FCHSD2: variants seen among roughly 807,000 people sequenced by gnomAD.
FCHSD2 encodes the protein FCH and double SH3 domains 2.
Under a neutral mutation model 108.1 loss-of-function variants are expected in FCHSD2, and 38 were observed. That is an observed-to-expected ratio of 0.35 (90% confidence interval 0.27 to 0.46). The LOEUF is 0.46. FCHSD2 is among the 20% of genes least tolerant of loss of function. The pLI is 1.00. For missense variants in FCHSD2, 751 were observed against 897.8 expected (o/e 0.84, Z 2.09); for synonymous variants, 279 against 314.7 (o/e 0.89, Z 1.20).
chr11:73,057,154 C>T (rs1222856433), intron 3 of FCHSD2, among the ~76,000 whole-genome samples: 2 of 152,100 alleles, frequency 1.3e-5, no homozygotes, highest in African/African-American at 2.4e-5. Flanking sequence ...TCGTGAAGTA[C>T]ATAAGGAAAC....
intron 3 of FCHSD2, among the ~76,000 whole-genome samples, chr11:73,039,241 G>C (rs1858572302): frequency 1.7e-5 from 1 of 57,526 alleles, no homozygotes; most frequent in African/African-American, 5.8e-5. Context: ...ACTTTCTGCA[G>C]GGTGCAGTGC....
intron 2 of FCHSD2, among the ~76,000 whole-genome samples, chr11:73,137,849 C>CT (rs1861159865): frequency 6.6e-6 from 1 of 152,182 alleles, no homozygotes; most frequent in Non-Finnish European, 1.5e-5. Context: ...ACGGTAGTAA[C>CT]TAAGCCAGGA....
At chr11:72,940,388 T>A (rs1297437337) in intron 8 of FCHSD2, 2 of 480,764 alleles carry the variant, frequency 4.2e-6, no homozygotes, top group African/African-American at 3.9e-5. Context: ...AAATATTGTT[T>A]TAATATTAAA....
intron 13 of FCHSD2, among the ~76,000 whole-genome samples, chr11:72,850,866 G>T (rs1384114941): frequency 6.6e-6 from 1 of 151,688 alleles, no homozygotes; most frequent in African/African-American, 2.4e-5. Context: ...AAGGTAGGTG[G>T]ATCACTTGAG....
At chr11:73,049,436 C>T (rs1310781722) in intron 3 of FCHSD2, among the ~76,000 whole-genome samples, 1 of 148,852 alleles carries the variant, frequency 6.7e-6, no homozygotes, top group African/African-American at 2.5e-5. Flanking sequence ...AAATAAACTA[C>T]AAATTTTTAT....
In FCHSD2 at chr11:72,867,926, T is replaced by C; in HGVS notation, c.1247A>G (p.Glu416Gly). ...LKSAMNQVME[E>G]LENERWARPP... ...GCGGGCCCATCGCTCATTTTCCAGT[T>C]CTTCCATTACTTGGTTCATGGCACT... is the stretch of plus-strand genomic sequence containing the variant. Residue 416 changes from glutamate (E) to glycine (G), a missense_variant, in exon 13 of 20, where the codon GAA becomes GGA. Coordinates refer to ENST00000409418, the MANE Select transcript of FCHSD2 (RefSeq NM_014824.3). 1 of 1,610,456 alleles carries C rather than the reference T, an allele frequency of 6.2e-7. No individual in the cohort carries two copies. Among genetic ancestry groups the C allele is most frequent in the Non-Finnish European group, 8.5e-7 (1 of 1,178,572 alleles).
chr11:72,927,313 T>C lies in FCHSD2; in HGVS notation c.706-5363A>G, dbSNP rs575198579. Among the ~76,000 whole-genome samples the C allele has an allele frequency of 1.1e-4, 17 of 152,364 alleles. No individual in the cohort carries two copies. The East Asian group carries it at 2.1e-3, about 19-fold the overall frequency. ...TTCTGTATGATACTACAATGGTGGA[T>C]ACATATCATTATACATTTGTCTAAA... is the stretch of plus-strand genomic sequence containing the variant. On this transcript the variant is annotated intron_variant, in intron 8 of 19. Transcript: ENST00000409418.
At chr11:72,919,335 C>G (rs772706352) in intron 9 of FCHSD2, among the ~76,000 whole-genome samples, 3 of 152,076 alleles carry the variant, frequency 2.0e-5, no homozygotes, top group African/African-American at 7.2e-5. Flanking sequence ...TCATTTATTC[C>G]TCATTTCTGG....
Position 73,142,178 on chromosome 11 carries a change from A to G in FCHSD2, c.-301T>C. 1 of 214,656 alleles carries G rather than the reference A, an allele frequency of 4.7e-6. No individual in the cohort carries two copies. The highest frequency in any genetic ancestry group is 9.2e-6 in the Non-Finnish European group (1 of 108,680). The allele number at this position is 214,656 out of a possible 1,614,324, so 13.3% of individuals were successfully genotyped here. On this transcript the variant is annotated 5_prime_UTR_variant, in exon 1 of 20. Coordinates refer to ENST00000409418, the MANE Select transcript of FCHSD2 (RefSeq NM_014824.3). ...GCGAGGGGGCGGGGGCCCCAGGAGC[A>G]GGGGCGCGAGGGTCTCAGCCGGCCG... is the stretch of plus-strand genomic sequence containing the variant.
intron 3 of FCHSD2, among the ~76,000 whole-genome samples, chr11:73,078,744 G>A (rs1026963776): frequency 1.3e-5 from 2 of 152,058 alleles, no homozygotes. Context: ...TTAGAGACAA[G>A]GTCTCACTCT....
intron 8 of FCHSD2, among the ~76,000 whole-genome samples, chr11:72,982,237 T>C (rs1168349691): frequency 6.6e-6 from 1 of 152,218 alleles, no homozygotes; most frequent in African/African-American, 2.4e-5. Context: ...TGTTTTTGCC[T>C]GAAGGTCCCG....
At chr11:73,058,009 A>G (rs1859069765) in intron 3 of FCHSD2, among the ~76,000 whole-genome samples, 1 of 151,606 alleles carries the variant, frequency 6.6e-6, no homozygotes, top group Non-Finnish European at 1.5e-5. Flanking sequence ...CTTCCCGAGT[A>G]GCTGGGACTA....
chr11:72,990,931 T>C (rs951214045), intron 5 of FCHSD2, among the ~76,000 whole-genome samples: 12 of 152,090 alleles, frequency 7.9e-5, no homozygotes, highest in African/African-American at 2.7e-4. Flanking sequence ...AGCTGGTTTT[T>C]TTGAAAAGAT....
chr11:72,946,160 T>C (rs946156219), intron 8 of FCHSD2, among the ~76,000 whole-genome samples: 6 of 152,062 alleles, frequency 3.9e-5, no homozygotes, highest in Non-Finnish European at 5.9e-5. Context: ...TGTCCAACAA[T>C]GATAGACTGG....
In FCHSD2 at chr11:72,843,276, A is replaced by G. The variant is rs760721519; in HGVS notation, c.1580T>C (p.Phe527Ser). 6.2e-7 allele frequency: 1 copy of G among 1,613,958 alleles called. No homozygotes were observed. The highest frequency in any genetic ancestry group is 1.1e-5 in the South Asian group (1 of 91,082). Reference protein sequence around the residue: ...VGYVPEKYLQFPTSNSLLSML... With the variant: ...VGYVPEKYLQSPTSNSLLSML... ...GCTCAGGAGGCTGTTCGAGGTGGGA[A>G]ACTGTAGGTACTTTTCTGGCACATA... is the stretch of plus-strand genomic sequence containing the variant. The change falls in exon 16 of 20, where the codon TTT becomes TCT. Residue 527 changes from phenylalanine to serine, a missense_variant. Phe to Ser is a radical substitution (Grantham distance 155). Transcript: ENST00000409418.
intron 18 of FCHSD2, 142 bp from the exon 19 acceptor site, chr11:72,841,101 A>G: frequency 1.5e-6 from 1 of 673,832 alleles, no homozygotes; most frequent in Non-Finnish European, 2.7e-6. Context: ...CCAGAAGTTC[A>G]AGGCTGCAGT....
At chr11:72,849,535 C>T (rs1861228730) in intron 14 of FCHSD2, among the ~76,000 whole-genome samples, 1 of 152,102 alleles carries the variant, frequency 6.6e-6, no homozygotes, top group Non-Finnish European at 1.5e-5. Flanking sequence ...AGGGGACAAC[C>T]AACTGAGATT....
At chr11:72,995,324 G>T (rs1427015255) in intron 5 of FCHSD2, among the ~76,000 whole-genome samples, 3 of 152,086 alleles carry the variant, frequency 2.0e-5, no homozygotes, top group African/African-American at 7.2e-5. Flanking sequence ...CTCCCATAAA[G>T]AAGTGCTAAA....
chr11:72,920,239 A>G (rs889628795), intron 9 of FCHSD2, among the ~76,000 whole-genome samples: 3 of 152,246 alleles, frequency 2.0e-5, no homozygotes, highest in Non-Finnish European at 2.9e-5. Flanking sequence ...GGTCAAAATA[A>G]GACAGAGGGC....
Sources: allele counts gnomAD v4.1 joint callset (sites outside exome capture counted in the v4.1 genomes callset), GRCh38; gene constraint gnomAD v4.1.1; transcripts MANE v1.5; gene names NCBI Gene and HGNC (gene_info 2026-07-23, HGNC 2026-07-21).